Variants in CACNA2D4 observed in about 807,000 individuals in gnomAD.
CACNA2D4 encodes the protein voltage-dependent calcium channel subunit alpha-2/delta-4.
A neutral mutation model predicts 163.8 loss-of-function variants in CACNA2D4; 157 were observed. The observed-to-expected ratio is 0.96, with a 90% CI of 0.84 to 1.09. CACNA2D4 has a LOEUF of 1.09. Ranked by LOEUF, CACNA2D4 falls within the 50% of genes least tolerant of loss-of-function variation. The pLI is 0.00. For missense variants in CACNA2D4, 1,410 were observed against 1,479.9 expected, an observed-to-expected ratio of 0.95 and a Z score of 0.78; for synonymous variants, 598 against 586.9, an observed-to-expected ratio of 1.02 and a Z score of -0.27.
chr12:1,907,622 G>A, intron 5 of CACNA2D4, 51 bp from the exon 6 acceptor site: 2 of 1,554,594 alleles, frequency 1.3e-6, no homozygotes, highest in South Asian at 1.1e-5. Flanking sequence ...TCAGGAAAAT[G>A]GTGATCATGC....
chr12:1,843,913 T>C lies in CACNA2D4; in HGVS notation c.2470+489A>G, dbSNP rs1009456290. On this transcript the variant is annotated intron_variant, in intron 25 of 37. Coordinates refer to ENST00000382722, the MANE Select transcript of CACNA2D4 (RefSeq NM_172364.5). The surrounding 1 kb of genome is among the most constrained non-coding windows in gnomAD (Gnocchi z 4.6). ...CTTGTGGAGAAGGCTGGGAGCTCCCTGAGGCTGGTCCTGGGTGGTCCTGGG... is the reference window on the plus strand; with the variant it reads ...CTTGTGGAGAAGGCTGGGAGCTCCCCGAGGCTGGTCCTGGGTGGTCCTGGG... Among the ~76,000 whole-genome samples the C allele has an allele frequency of 7.9e-5, 12 of 152,094 alleles. No individual in the cohort carries two copies. Among genetic ancestry groups the C allele is most frequent in the African/African-American group, 2.9e-4 (12 of 41,420 alleles).
In CACNA2D4 at chr12:1,802,452, C is replaced by T. The variant is rs1483835686; in HGVS notation, c.2722-808G>A. Among the ~76,000 whole-genome samples, 1 of 152,218 alleles carries T rather than the reference C, an allele frequency of 6.6e-6. No homozygotes were observed. The highest frequency in any genetic ancestry group is 1.9e-4 in the East Asian group (1 of 5,194). On this transcript the variant is annotated intron_variant, in intron 29 of 37. Coordinates refer to ENST00000382722, the MANE Select transcript of CACNA2D4 (RefSeq NM_172364.5). The surrounding 1 kb of genome is among the most constrained non-coding windows in gnomAD (Gnocchi z 4.7). ...CAGCCAGCACTTTGTGGCTTCTGTG[C>T]CCTGTGCCAAGCAGCGGCCCCCTAG...
At chr12:1,856,446 C>A (rs1865401947) in intron 20 of CACNA2D4, among the ~76,000 whole-genome samples, 3 of 152,250 alleles carry the variant, frequency 2.0e-5, no homozygotes, top group African/African-American at 7.2e-5. Flanking sequence ...AATCCTACCC[C>A]TTCTTCAAGG....
chr12:1,833,292 G>A lies in CACNA2D4; in HGVS notation c.2551+7447C>T, dbSNP rs1315747975. 1.3e-5 allele frequency among the ~76,000 whole-genome samples: 2 copies of A among 152,134 alleles called. No individual in the cohort carries two copies. Among genetic ancestry groups the A allele is most frequent in the Non-Finnish European group, 2.9e-5 (2 of 68,014 alleles). Reference sequence around the variant, plus strand: ...GAGTGGCTGCAGCCCGCATCTTTTCGGCAGGGGGTCTAGTGCCTGCATCCA... The same window carrying A: ...GAGTGGCTGCAGCCCGCATCTTTTCAGCAGGGGGTCTAGTGCCTGCATCCA... On this transcript the variant is annotated intron_variant, in intron 26 of 37. Transcript: ENST00000382722. The surrounding 1 kb of genome is among the most constrained non-coding windows in gnomAD (Gnocchi z 4.2).
rs73593731 is a variant in CACNA2D4 at position 1,822,327 on chromosome 12, G to A, written c.2552-10604C>T. Among the ~76,000 whole-genome samples, 1,261 of 152,250 alleles carry A rather than the reference G, an allele frequency of 8.3e-3. 14 individuals carry two copies. The highest frequency in any genetic ancestry group is 0.028 in the African/African-American group (1,161 of 41,540). On this transcript the variant is annotated intron_variant, in intron 26 of 37. Transcript: ENST00000382722. ...AGGAGGGGATGGCATGTATGTGATGGTTGGGGGTGTCTGGGAGTTCTGGGG... is the reference window on the plus strand; with the variant it reads ...AGGAGGGGATGGCATGTATGTGATGATTGGGGGTGTCTGGGAGTTCTGGGG...
At chr12:1,814,436 T>C (rs1863811203) in intron 26 of CACNA2D4, among the ~76,000 whole-genome samples, 1 of 152,232 alleles carries the variant, frequency 6.6e-6, no homozygotes, top group South Asian at 2.1e-4. Flanking sequence ...CATCTGCCCT[T>C]GGGTCACAGA....
intron 13 of CACNA2D4, among the ~76,000 whole-genome samples, chr12:1,881,827 G>C (rs2154449563): frequency 6.6e-6 from 1 of 152,348 alleles, no homozygotes; most frequent in South Asian, 2.1e-4. Context: ...GTAGATTAAT[G>C]AGCTTTTCAT....
At chr12:1,862,570 G>A (rs1018026407) in intron 18 of CACNA2D4, among the ~76,000 whole-genome samples, 3 of 152,034 alleles carry the variant, frequency 2.0e-5, no homozygotes, top group African/African-American at 7.2e-5. Context: ...ACACCACCAT[G>A]CCCAGCTAAT....
chr12:1,873,389 C>A (rs868481577), intron 18 of CACNA2D4, among the ~76,000 whole-genome samples: 2 of 152,168 alleles, frequency 1.3e-5, no homozygotes, highest in African/African-American at 2.4e-5. Context: ...GAAGTTCAGC[C>A]TACTGCATTT....
At chr12:1,915,831 G>A (rs931065646) in intron 1 of CACNA2D4, among the ~76,000 whole-genome samples, 6 of 152,214 alleles carry the variant, frequency 3.9e-5, no homozygotes, top group Admixed American at 6.5e-5. Context: ...TTGCCTGTGC[G>A]ATCCTTTCAA....
At chr12:1,850,054 A>C (rs948415579) in intron 23 of CACNA2D4, among the ~76,000 whole-genome samples, 13 of 152,250 alleles carry the variant, frequency 8.5e-5, no homozygotes, top group African/African-American at 3.1e-4. Flanking sequence ...CATTTTTTTC[A>C]TATTTTTGCC....
At chr12:1,901,106 G>GTC (rs1423216076) in intron 6 of CACNA2D4, among the ~76,000 whole-genome samples, 1 of 152,090 alleles carries the variant, frequency 6.6e-6, no homozygotes, top group African/African-American at 2.4e-5. Context: ...TAATCATTTA[G>GTC]TCAATGAAGA....
In CACNA2D4 at chr12:1,793,394, G is replaced by T. The variant is rs765696332; in HGVS notation, c.*261C>A. 5.5e-6 allele frequency: 3 copies of T among 550,192 alleles called. No homozygotes were observed. Among genetic ancestry groups the T allele is most frequent in the South Asian group, 2.4e-5 (1 of 41,910 alleles). The allele number at this position is 550,192 out of a possible 1,614,324, so 34.1% of individuals were successfully genotyped here. A position where few individuals can be genotyped will look rare whatever the true frequency, so the allele number is the denominator to read the frequency against. ...GGCTTCCCGAAGAGGAGACAGGAAG[G>T]TTAGGTCAGAAGTATGCTCATGTTG... is the stretch of plus-strand genomic sequence containing the variant. On this transcript the variant is annotated 3_prime_UTR_variant, in exon 38 of 38. Transcript: ENST00000382722.
intron 23 of CACNA2D4, among the ~76,000 whole-genome samples, chr12:1,851,450 C>T (rs1197654789): frequency 6.6e-6 from 1 of 152,208 alleles, no homozygotes; most frequent in Non-Finnish European, 1.5e-5. Context: ...ATCTTTCCTT[C>T]ATTGATTTGA....
At chr12:1,831,717 A>T (rs1230911600) in intron 26 of CACNA2D4, among the ~76,000 whole-genome samples, 1 of 152,032 alleles carries the variant, frequency 6.6e-6, no homozygotes, top group African/African-American at 2.4e-5. Flanking sequence ...CCTTCCTGCC[A>T]ATGGGAGAGA....
At chr12:1,811,945 A>C (rs1863727400) in intron 26 of CACNA2D4, 1 of 582,608 alleles carries the variant, frequency 1.7e-6, no homozygotes, top group African/African-American at 1.9e-5. Context: ...CACTGGAAGA[A>C]GAGCGACAGA....
chr12:1,896,961 A>G (rs2429153), intron 6 of CACNA2D4, among the ~76,000 whole-genome samples: 116,414 of 152,094 alleles, frequency 0.77, 44,648 homozygotes, highest in East Asian at 0.88. Flanking sequence ...ATATTTGGCC[A>G]CCAAAAAAAT....
intron 29 of CACNA2D4, among the ~76,000 whole-genome samples, chr12:1,805,233 G>A: frequency 6.6e-6 from 1 of 152,180 alleles, no homozygotes; most frequent in Non-Finnish European, 1.5e-5. Context: ...AGGAGGTCCT[G>A]TGAGCACCAC....
At chr12:1,866,757 A>G (rs948241468) in intron 18 of CACNA2D4, among the ~76,000 whole-genome samples, 4 of 150,124 alleles carry the variant, frequency 2.7e-5, no homozygotes, top group Non-Finnish European at 4.4e-5. Flanking sequence ...AGTAGGTGGG[A>G]CTACAAGTGC....
Sources: gnomAD v4.1 joint callset for allele counts (sites outside exome capture counted in the v4.1 genomes callset) on GRCh38, gnomAD v4.1.1 for gene constraint, Gnocchi (gnomAD v3.1) non-coding constraint, MANE v1.5 for transcripts, NCBI Gene and HGNC (gene_info 2026-07-23, HGNC 2026-07-21) for gene names.